The following KCNIP4 variants were observed in gnomAD, a reference collection of about 807,000 sequenced individuals.
The protein encoded by KCNIP4 is potassium voltage-gated channel interacting protein 4, also known as Kv channel-interacting protein 4.
Under a neutral mutation model 34.0 loss-of-function variants are expected in KCNIP4, and 12 were observed. The ratio of observed to expected loss-of-function variants is 0.35; its 90% CI spans 0.23 to 0.57. The LOEUF (loss-of-function observed/expected upper bound fraction) is 0.57, where lower values mean the gene tolerates loss of function less well. Ranked by LOEUF, KCNIP4 falls within the 20% of genes least tolerant of loss-of-function variation. The pLI is 0.83. For synonymous variants in KCNIP4, 124 were observed against 102.2 expected (o/e 1.21, Z -1.29); for missense variants, 238 against 311.7 (o/e 0.76, Z 1.78).
At chr4:21,147,720 C>A (rs1419352803) in intron 1 of KCNIP4, among the ~76,000 whole-genome samples, 2 of 152,026 alleles carry the variant, frequency 1.3e-5, no homozygotes, top group East Asian at 3.9e-4. Context: ...GGGTGGATCT[C>A]TTTAGGTTAG....
At chr4:21,930,066 A>G (rs1313596885) in intron 1 of KCNIP4, among the ~76,000 whole-genome samples, 5 of 152,036 alleles carry the variant, frequency 3.3e-5, no homozygotes, top group Admixed American at 2.6e-4. Context: ...CTAAATGTGT[A>G]TTTCTAGCCC....
chr4:21,542,606 T>C (rs1224471096), intron 1 of KCNIP4, among the ~76,000 whole-genome samples: 2 of 151,656 alleles, frequency 1.3e-5, no homozygotes, highest in East Asian at 3.9e-4. Flanking sequence ...TAATACAATG[T>C]AAAACAAAAG....
intron 1 of KCNIP4, among the ~76,000 whole-genome samples, chr4:21,345,400 C>T (rs544681749): frequency 2.6e-4 from 40 of 152,052 alleles, no homozygotes; most frequent in African/African-American, 9.2e-4. Flanking sequence ...CTCATGAAAA[C>T]GGTGAGATAA....
intron 1 of KCNIP4, among the ~76,000 whole-genome samples, chr4:21,519,341 GATAC>G (rs777850205): frequency 3.5e-5 from 4 of 113,398 alleles, no homozygotes; most frequent in East Asian, 2.9e-4. Context: ...GAGAGAGAGA[GATAC>G]ACACACACAC....
At chr4:21,595,345 T>C (rs1460017680) in intron 1 of KCNIP4, among the ~76,000 whole-genome samples, 2 of 152,184 alleles carry the variant, frequency 1.3e-5, no homozygotes, top group Admixed American at 6.5e-5. Context: ...GGCTAAATAG[T>C]ATTCCACGGT....
chr4:21,060,278 A>C (rs1299487618), intron 1 of KCNIP4, among the ~76,000 whole-genome samples: 2 of 152,198 alleles, frequency 1.3e-5, no homozygotes, highest in Non-Finnish European at 2.9e-5. Context: ...AAAATTAATT[A>C]AATGCATAAT....
chr4:21,883,677 C>T (rs1406506485), intron 1 of KCNIP4, among the ~76,000 whole-genome samples: 1 of 152,096 alleles, frequency 6.6e-6, no homozygotes, highest in Admixed American at 6.6e-5. Flanking sequence ...ATGTCATCCA[C>T]AGTGCTACTG....
intron 1 of KCNIP4, among the ~76,000 whole-genome samples, chr4:21,739,860 T>C (rs1482108502): frequency 2.0e-5 from 3 of 152,084 alleles, no homozygotes. Flanking sequence ...TAAATAAAAA[T>C]GCTCAAACAA....
chr4:21,562,689 G>T (rs901729343), intron 1 of KCNIP4, among the ~76,000 whole-genome samples: 2 of 151,940 alleles, frequency 1.3e-5, no homozygotes, highest in South Asian at 4.1e-4. Flanking sequence ...ATATTTTCTA[G>T]AAGGCCAACA....
At chr4:21,880,105 G>T (rs947031484) in intron 1 of KCNIP4, among the ~76,000 whole-genome samples, 5 of 152,086 alleles carry the variant, frequency 3.3e-5, no homozygotes, top group Non-Finnish European at 5.9e-5. Context: ...CGTGAGAATG[G>T]ACTAATACAT....
At chr4:21,430,691 A>G (rs1726366603) in intron 1 of KCNIP4, among the ~76,000 whole-genome samples, 1 of 152,086 alleles carries the variant, frequency 6.6e-6, no homozygotes, top group Non-Finnish European at 1.5e-5. Context: ...TAAAGTCACT[A>G]TAGATAAAAA....
intron 1 of KCNIP4, among the ~76,000 whole-genome samples, chr4:20,994,368 T>G (rs1204002635): frequency 2.6e-5 from 4 of 152,190 alleles, no homozygotes; most frequent in African/African-American, 9.7e-5. Context: ...CATGTGAGTG[T>G]GAGAATGAGT....
chr4:21,855,334 GT>G (rs1338866290), intron 1 of KCNIP4, among the ~76,000 whole-genome samples: 5 of 152,136 alleles, frequency 3.3e-5, no homozygotes, highest in Non-Finnish European at 7.4e-5. Flanking sequence ...TCTTCAATCT[GT>G]TTTACAAAAT....
intron 1 of KCNIP4, among the ~76,000 whole-genome samples, chr4:21,678,488 C>T (rs1255119080): frequency 2.6e-5 from 4 of 152,256 alleles, no homozygotes; most frequent in Middle Eastern, 3.4e-3. Context: ...CCCCATTCCA[C>T]TCACGACATG....
At position 20,850,545 on chromosome 4, in the gene KCNIP4, T is replaced by G; in HGVS notation, c.286A>C (p.Asn96His). The G allele has an allele frequency of 6.2e-7, 1 of 1,612,360 alleles. No individual in the cohort carries two copies. Among genetic ancestry groups the G allele is most frequent in the South Asian group, 1.1e-5 (1 of 91,000 alleles). Residue 96 changes from asparagine (N) to histidine (H), a missense_variant and splice_region_variant, in exon 3 of 9, where the codon AAT (asparagine) becomes CAT (histidine). By Grantham distance (68) the Asn-to-His change is moderately conservative. Coordinates refer to ENST00000382152, the MANE Select transcript of KCNIP4 (RefSeq NM_025221.6). ...AAAGTCAAAAAGAAAGTTCTTACAT[T>G]CTTAAATCCTCTGTAAAGGATCTGA... is the stretch of plus-strand genomic sequence containing the variant. ...ELQILYRGFK[N>H]ECPSGVVNEE...
Position 21,505,625 on chromosome 4 carries a change from G to A in KCNIP4, c.61+442946C>T, listed in dbSNP as rs561698542. Among the ~76,000 whole-genome samples, 4 of 152,020 alleles carry A rather than the reference G, an allele frequency of 2.6e-5. No homozygotes were observed. In the South Asian group the frequency reaches 6.2e-4, roughly 24 times the overall value. On this transcript the variant is annotated intron_variant, in intron 1 of 8. Coordinates refer to ENST00000382152, the MANE Select transcript of KCNIP4 (RefSeq NM_025221.6). ...AAACTTTCTTCTCTGTTCTCCATCT[G>A]TATTATTTGTTTACAAACCCAACTT...
At chr4:21,081,146 G>A (rs1012033539) in intron 1 of KCNIP4, among the ~76,000 whole-genome samples, 1 of 151,668 alleles carries the variant, frequency 6.6e-6, no homozygotes, top group Admixed American at 6.6e-5. Flanking sequence ...TTTTAGTACT[G>A]TGCAAAGACC....
intron 1 of KCNIP4, among the ~76,000 whole-genome samples, chr4:21,474,844 A>ATT (rs1560441544): frequency 7.3e-5 from 11 of 150,634 alleles, no homozygotes; most frequent in Non-Finnish European, 1.3e-4. Flanking sequence ...AAAATAATAA[A>ATT]AAAAAAATTA....
chr4:21,097,590 G>C lies in KCNIP4; in HGVS notation c.62-214881C>G, dbSNP rs115731959. On this transcript the variant is annotated intron_variant, in intron 1 of 8. Transcript: ENST00000382152. ...TCTGTCTTGGTGATCTGCGATCAGT[G>C]ATCTTTGATGTGGCTACCATCATTG... Among the ~76,000 whole-genome samples the C allele has an allele frequency of 9.5e-3, 1,445 of 152,108 alleles. 10 individuals carry two copies. The highest frequency in any genetic ancestry group is 0.016 in the Non-Finnish European group (1,060 of 67,994).
Sources: gnomAD v4.1 joint callset for allele counts (sites outside exome capture counted in the v4.1 genomes callset) on GRCh38, gnomAD v4.1.1 for gene constraint, MANE v1.5 for transcripts, NCBI Gene and HGNC (gene_info 2026-07-23, HGNC 2026-07-21) for gene names.